RASGRF2: variants seen among roughly 807,000 people sequenced by gnomAD.
The protein encoded by RASGRF2 is ras-specific guanine nucleotide-releasing factor 2.
Under a neutral mutation model 151.0 loss-of-function variants are expected in RASGRF2, and 76 were observed. The observed-to-expected ratio is 0.50, with a 90% CI of 0.42 to 0.61. RASGRF2 has a LOEUF of 0.61. Ranked by LOEUF, RASGRF2 falls within the 20% of genes least tolerant of loss-of-function variation. RASGRF2 has a pLI of 0.00. For synonymous variants in RASGRF2, 504 were observed against 566.5 expected, an observed-to-expected ratio of 0.89 and a Z score of 1.57; for missense variants, 1,148 against 1,564.6, an observed-to-expected ratio of 0.73 and a Z score of 4.49.
intron 1 of RASGRF2, among the ~76,000 whole-genome samples, chr5:81,036,021 A>T (rs1270020073): frequency 1.3e-5 from 2 of 152,206 alleles, no homozygotes; most frequent in African/African-American, 4.8e-5. Flanking sequence ...TTCAGAAGAC[A>T]TTTTTAGAAT....
intron 7 of RASGRF2, among the ~76,000 whole-genome samples, chr5:81,084,519 G>A (rs899565962): frequency 2.6e-5 from 4 of 152,164 alleles, no homozygotes; most frequent in African/African-American, 9.7e-5. Flanking sequence ...GGGCCTATTT[G>A]TGCTTCCTGA....
chr5:80,974,942 G>A (rs1439729314), intron 1 of RASGRF2, among the ~76,000 whole-genome samples: 1 of 152,036 alleles, frequency 6.6e-6, no homozygotes, highest in African/African-American at 2.4e-5. Flanking sequence ...AATCCATTTT[G>A]GGATTGAGCT....
At chr5:81,149,350 C>T (rs1192117257) in intron 17 of RASGRF2, among the ~76,000 whole-genome samples, 1 of 152,056 alleles carries the variant, frequency 6.6e-6, no homozygotes, top group Non-Finnish European at 1.5e-5. Context: ...AGTTGGAGGC[C>T]ATTATTCTAA....
At chr5:81,057,619 C>T (rs1561582379) in intron 2 of RASGRF2, among the ~76,000 whole-genome samples, 2 of 152,094 alleles carry the variant, frequency 1.3e-5, no homozygotes, top group African/African-American at 4.8e-5. Context: ...TACACACATG[C>T]ATTGTATCAT....
At position 81,068,134 on chromosome 5, in the gene RASGRF2, T is replaced by C; in HGVS notation, c.498T>C (p.His166=). Residue 166 remains histidine, a synonymous_variant, in exon 3 of 27, where the codon CAT becomes CAC. Transcript: ENST00000265080. ...TEKIAANQLR[H]QLEDQDTEIE... ...AAATTGCAGCTAACCAACTCCGACA[T>C]CAACTTGAAGATCAAGACACAGAAA... The C allele has an allele frequency of 6.2e-7, 1 of 1,613,350 alleles. No homozygotes were observed. The highest frequency in any genetic ancestry group is 1.1e-5 in the South Asian group (1 of 90,872).
intron 2 of RASGRF2, among the ~76,000 whole-genome samples, chr5:81,067,699 A>G (rs928870049): frequency 6.6e-6 from 1 of 152,220 alleles, no homozygotes; most frequent in Non-Finnish European, 1.5e-5. Context: ...AGAATTCAAA[A>G]GACCTCAGTT....
In RASGRF2 at chr5:81,059,481, G is replaced by A. The variant is rs190204499; in HGVS notation, c.396-8551G>A. ...AACCTGAGACTTTCTATTGATCTAC[G>A]TGATTTAGAATCCTGTTCCCTCTTC... On this transcript the variant is annotated intron_variant, in intron 2 of 26. Coordinates refer to ENST00000265080, the MANE Select transcript of RASGRF2 (RefSeq NM_006909.3). 3.7e-3 allele frequency among the ~76,000 whole-genome samples: 556 copies of A among 151,296 alleles called. 4 individuals carry two copies. Among genetic ancestry groups the A allele is most frequent in the African/African-American group, 0.011 (472 of 41,206 alleles).
At chr5:81,160,226 C>T (rs973222739) in intron 17 of RASGRF2, among the ~76,000 whole-genome samples, 4 of 152,158 alleles carry the variant, frequency 2.6e-5, no homozygotes, top group Non-Finnish European at 5.9e-5. Context: ...TCAAGACCAG[C>T]CTGGCCAACA....
intron 1 of RASGRF2, among the ~76,000 whole-genome samples, chr5:80,990,716 C>T (rs567766668): frequency 5.3e-5 from 8 of 152,210 alleles, no homozygotes; most frequent in Admixed American, 3.9e-4. Flanking sequence ...GGCTGGCTGG[C>T]GTCTTTCACA....
At chr5:81,187,160 G>C (rs1222272428) in intron 18 of RASGRF2, among the ~76,000 whole-genome samples, 2 of 152,174 alleles carry the variant, frequency 1.3e-5, no homozygotes, top group Non-Finnish European at 2.9e-5. Flanking sequence ...TCTCAAAGGG[G>C]TTTAGTCAGC....
intron 1 of RASGRF2, among the ~76,000 whole-genome samples, chr5:81,033,289 A>C (rs868543250): frequency 0.011 from 1,544 of 145,860 alleles, 16 homozygotes; most frequent in Non-Finnish European, 0.015. Flanking sequence ...CAGAATTGGA[A>C]AAAACTACTT....
chr5:81,028,191 T>C (rs1210504814), intron 1 of RASGRF2, among the ~76,000 whole-genome samples: 4 of 151,546 alleles, frequency 2.6e-5, no homozygotes, highest in Non-Finnish European at 5.9e-5. Flanking sequence ...CAGAAAGACA[T>C]CAGAAATGCA....
chr5:81,055,431 A>G (rs182214948), intron 2 of RASGRF2, among the ~76,000 whole-genome samples: 2 of 152,228 alleles, frequency 1.3e-5, no homozygotes, highest in Non-Finnish European at 2.9e-5. Flanking sequence ...GATTACGTTT[A>G]TTGATTTTGG....
rs936754451 is a variant in RASGRF2, at chr5:81,219,542, G to T, written c.3553-168G>T. On this transcript the variant is annotated intron_variant, in intron 25 of 26. Transcript: ENST00000265080. ...TGGCATTTCATGTGCCTCCTTGAGA[G>T]TCAAGAAAGCACCAACCATAGGGAA... 26 of 531,744 alleles carry T rather than the reference G, an allele frequency of 4.9e-5. No homozygotes were observed. The African/African-American group carries it at 5.1e-4, about 11-fold the overall frequency. The allele number at this position is 531,744 out of a possible 1,614,324, so 32.9% of individuals were successfully genotyped here.
intron 17 of RASGRF2, among the ~76,000 whole-genome samples, chr5:81,177,360 C>G (rs954929962): frequency 2.0e-5 from 3 of 151,888 alleles, no homozygotes; most frequent in African/African-American, 7.3e-5. Flanking sequence ...TGCCTGTCTA[C>G]ATTCGAAGAG....
intron 18 of RASGRF2, among the ~76,000 whole-genome samples, chr5:81,191,346 C>T (rs1290071391): frequency 6.6e-6 from 1 of 152,118 alleles, no homozygotes; most frequent in East Asian, 1.9e-4. Context: ...GTCAAAGATG[C>T]TACTTCCTGT....
chr5:80,966,240 G>C (rs1408402908), intron 1 of RASGRF2, among the ~76,000 whole-genome samples: 3 of 152,004 alleles, frequency 2.0e-5, no homozygotes, highest in Non-Finnish European at 4.4e-5. Context: ...TTCAAGACCT[G>C]AGTTATAAAT....
chr5:81,163,982 A>G (rs758144116), intron 17 of RASGRF2, among the ~76,000 whole-genome samples: 1 of 152,208 alleles, frequency 6.6e-6, no homozygotes, highest in Non-Finnish European at 1.5e-5. Flanking sequence ...CATATAATAA[A>G]CACTACATAA....
chr5:80,984,684 C>G (rs1193818202), intron 1 of RASGRF2, among the ~76,000 whole-genome samples: 1 of 152,158 alleles, frequency 6.6e-6, no homozygotes, highest in Non-Finnish European at 1.5e-5. Flanking sequence ...CCTAAGGAAA[C>G]ACTTGTATTA....
Sources: gnomAD v4.1 joint callset for allele counts (sites outside exome capture counted in the v4.1 genomes callset) on GRCh38, gnomAD v4.1.1 for gene constraint, MANE v1.5 for transcripts, NCBI Gene and HGNC (gene_info 2026-07-23, HGNC 2026-07-21) for gene names.